MAP2K5: variants seen among roughly 807,000 people sequenced by gnomAD.
MAP2K5 encodes the protein mitogen-activated protein kinase kinase 5, also known as dual specificity mitogen-activated protein kinase kinase 5.
A neutral mutation model predicts 83.1 loss-of-function variants in MAP2K5; 49 were observed. That is an observed-to-expected ratio of 0.59 (90% CI 0.47 to 0.75). MAP2K5 has a LOEUF of 0.75. MAP2K5 is among the 30% of genes least tolerant of loss of function. The pLI, the probability that MAP2K5 is intolerant of heterozygous loss-of-function variation, is 0.00. For missense variants in MAP2K5, 457 were observed against 557.5 expected, an observed-to-expected ratio of 0.82 and a Z score of 1.82; for synonymous variants, 202 against 191.8, an observed-to-expected ratio of 1.05 and a Z score of -0.44.
chr15:67,769,107 T>TA lies in MAP2K5; in HGVS notation c.1135-483dup, dbSNP rs61558595. ...CCCTATAAAAGCCTTTCTATTAAAGTAAAAAAAAAAAATTGATCCAAATTA... is the reference window on the plus strand; with the variant it reads ...CCCTATAAAAGCCTTTCTATTAAAGTAAAAAAAAAAAAATTGATCCAAATTA... On this transcript the variant is annotated intron_variant, in intron 19 of 21. Transcript: ENST00000178640. This position sits in a 1 kb window ranked among gnomAD's most constrained non-coding sequence, Gnocchi z 5.2. Among the ~76,000 whole-genome samples, 142,438 of 149,116 alleles carry TA rather than the reference T, an allele frequency of 0.96. 68,168 individuals carry two copies. The highest frequency in any genetic ancestry group is 0.99 in the East Asian group (5,080 of 5,122).
chr15:67,564,642 T>A (rs1298414343), intron 3 of MAP2K5, among the ~76,000 whole-genome samples: 1 of 152,230 alleles, frequency 6.6e-6, no homozygotes. Flanking sequence ...AGTCTTTGTG[T>A]ACTGAGAATT....
At position 67,786,223 on chromosome 15, in the gene MAP2K5, A is replaced by C. The variant is rs994359213; in HGVS notation, c.1242+13471A>C. On this transcript the variant is annotated intron_variant, in intron 21 of 21. Transcript: ENST00000178640. This position sits in a 1 kb window ranked among gnomAD's most constrained non-coding sequence, Gnocchi z 4.7. Reference sequence around the variant, plus strand: ...AGTTTAATGTGACTTAGAATAAATTATATGTATGTCGGATGTTTGCAATTG... The same window carrying C: ...AGTTTAATGTGACTTAGAATAAATTCTATGTATGTCGGATGTTTGCAATTG... Among the ~76,000 whole-genome samples, 2 of 151,454 alleles carry C rather than the reference A, an allele frequency of 1.3e-5. No homozygotes were observed. Among genetic ancestry groups the C allele is most frequent in the African/African-American group, 4.9e-5 (2 of 41,130 alleles).
At chr15:67,588,133 G>A in intron 6 of MAP2K5, 1 of 984,816 alleles carries the variant, frequency 1.0e-6, no homozygotes. Flanking sequence ...TCCATAGCAG[G>A]TGAGCAGTGA....
rs1379729179 is a variant in MAP2K5 at position 67,562,147 on chromosome 15, C to G, written c.185-1136C>G. On this transcript the variant is annotated intron_variant, in intron 2 of 21. Coordinates refer to ENST00000178640, the MANE Select transcript of MAP2K5 (RefSeq NM_145160.3). This position sits in a 1 kb window ranked among gnomAD's most constrained non-coding sequence, Gnocchi z 4.1. ...GAGCCTGCCCCTTCCAAGTTGTCCC[C>G]TTGGGAGGCTCTGTACGTTGCTCCA... Among the ~76,000 whole-genome samples, 1 of 152,220 alleles carries G rather than the reference C, an allele frequency of 6.6e-6. No homozygotes were observed. The highest frequency in any genetic ancestry group is 1.5e-5 in the Non-Finnish European group (1 of 68,042).
chr15:67,663,214 A>G (rs772315390), intron 12 of MAP2K5, among the ~76,000 whole-genome samples: 4 of 152,236 alleles, frequency 2.6e-5, no homozygotes, highest in Non-Finnish European at 4.4e-5. Context: ...TAGTATCGAT[A>G]CAATACTGTT....
chr15:67,705,734 C>T (rs1204950346), intron 16 of MAP2K5, among the ~76,000 whole-genome samples: 4 of 150,588 alleles, frequency 2.7e-5, no homozygotes, highest in Non-Finnish European at 5.9e-5. Flanking sequence ...GAAACTCCAT[C>T]TCAAAAAAAA....
intron 9 of MAP2K5, among the ~76,000 whole-genome samples, chr15:67,633,016 G>A (rs1392443457): frequency 6.6e-6 from 1 of 152,192 alleles, no homozygotes; most frequent in African/African-American, 2.4e-5. Flanking sequence ...AGAACTGGAA[G>A]AGACCTTGGA....
chr15:67,543,379 A>G lies in MAP2K5; in HGVS notation c.44A>G (p.Gln15Arg). 1.2e-6 allele frequency: 2 copies of G among 1,614,194 alleles called. No individual in the cohort carries two copies. The highest frequency in any genetic ancestry group is 1.7e-6 in the Non-Finnish European group (2 of 1,180,038). The change falls in exon 1 of 22, where the codon CAG becomes CGG. Residue 15 changes from glutamine to arginine, a missense_variant. Physicochemically the swap from Gln to Arg is conservative, Grantham distance 43. Coordinates refer to ENST00000178640, the MANE Select transcript of MAP2K5 (RefSeq NM_145160.3). This position sits in a 1 kb window ranked among gnomAD's most constrained non-coding sequence, Gnocchi z 4.3. Reference sequence around the variant, plus strand: ...GGCCCCTTTCCTGCCATGGAGAACCAGGTGCTGGTAATTCGCATCAAGATC... The same window carrying G: ...GGCCCCTTTCCTGCCATGGAGAACCGGGTGCTGGTAATTCGCATCAAGATC... ...ALGPFPAMEN[Q>R]VLVIRIKIPN...
At chr15:67,754,675 T>C (rs1051194242) in intron 19 of MAP2K5, among the ~76,000 whole-genome samples, 1 of 152,168 alleles carries the variant, frequency 6.6e-6, no homozygotes, top group African/African-American at 2.4e-5. Context: ...TGGAAATACC[T>C]TGATATTCAC....
At position 67,575,920 on chromosome 15, in the gene MAP2K5, T is replaced by C. The variant is rs28453906; in HGVS notation, c.253-4834T>C. Among the ~76,000 whole-genome samples the C allele has an allele frequency of 2.2e-4, 28 of 126,204 alleles. 1 individual carries two copies. The highest frequency in any genetic ancestry group is 5.4e-4 in the African/African-American group (18 of 33,378). The allele number at this position is 126,204 out of a possible 152,430, so 82.8% of individuals were successfully genotyped here. The stretch of plus-strand genomic sequence containing the variant: ...TTTTTCTTTCTTTCTTTCTTTCTTT[T>C]TTTTTTTTTTTTTTTTTAAGATGGA... On this transcript the variant is annotated intron_variant, in intron 3 of 21. Transcript: ENST00000178640.
intron 7 of MAP2K5, among the ~76,000 whole-genome samples, chr15:67,598,289 A>G (rs1033565479): frequency 1.4e-4 from 22 of 152,180 alleles, no homozygotes; most frequent in Admixed American, 1.3e-3. Flanking sequence ...AACATTGTAG[A>G]AAGACATTAT....
chr15:67,560,590 C>T (rs2084714794), intron 2 of MAP2K5, among the ~76,000 whole-genome samples: 2 of 152,344 alleles, frequency 1.3e-5, no homozygotes, highest in South Asian at 4.1e-4. Flanking sequence ...AGAGTTCCAA[C>T]ATTTTATCAC....
chr15:67,639,934 C>T (rs556742707), intron 9 of MAP2K5, among the ~76,000 whole-genome samples: 2 of 152,160 alleles, frequency 1.3e-5, no homozygotes, highest in Non-Finnish European at 2.9e-5. Context: ...TCTGGATAAG[C>T]CCTGTCACAT....
chr15:67,705,562 C>G (rs1331500697), intron 16 of MAP2K5, among the ~76,000 whole-genome samples: 2 of 152,086 alleles, frequency 1.3e-5, no homozygotes, highest in African/African-American at 2.4e-5. Flanking sequence ...TGGAGAAACC[C>G]TGTCTCAACT....
chr15:67,556,679 G>A (rs2084633212), intron 2 of MAP2K5, among the ~76,000 whole-genome samples: 1 of 151,438 alleles, frequency 6.6e-6, no homozygotes, highest in African/African-American at 2.4e-5. Flanking sequence ...AGCCTCCCTA[G>A]TAGCTGGGAT....
rs748483964 is a variant in MAP2K5 at position 67,801,020 on chromosome 15, A to G, written c.1243-5626A>G. Among the ~76,000 whole-genome samples, 68 of 152,230 alleles carry G rather than the reference A, an allele frequency of 4.5e-4. No individual in the cohort carries two copies. The highest frequency in any genetic ancestry group is 1.8e-4 in the Non-Finnish European group (12 of 68,040). On this transcript the variant is annotated intron_variant, in intron 21 of 21. Transcript: ENST00000178640. This position sits in a 1 kb window ranked among gnomAD's most constrained non-coding sequence, Gnocchi z 4.8. ...TAAATCCGTTTTTAAAACTGTAGCT[A>G]AAAATTTTCTTAACAGAATTTGAAA... is the stretch of plus-strand genomic sequence containing the variant.
intron 2 of MAP2K5, among the ~76,000 whole-genome samples, chr15:67,551,680 G>A (rs936804080): frequency 1.3e-5 from 2 of 152,072 alleles, no homozygotes; most frequent in African/African-American, 4.8e-5. Flanking sequence ...TCACTCTTTT[G>A]CCCAAGCTGG....
At position 67,793,456 on chromosome 15, in the gene MAP2K5, G is replaced by T. The variant is rs142718985; in HGVS notation, c.1243-13190G>T. Reference sequence around the variant, plus strand: ...GTTTTGCTAGTAGATGTCATTTCTTGCTGCTGTTCTTGTTCCTCCCTTTAA... The same window carrying T: ...GTTTTGCTAGTAGATGTCATTTCTTTCTGCTGTTCTTGTTCCTCCCTTTAA... On this transcript the variant is annotated intron_variant, in intron 21 of 21. Coordinates refer to ENST00000178640, the MANE Select transcript of MAP2K5 (RefSeq NM_145160.3). This position sits in a 1 kb window ranked among gnomAD's most constrained non-coding sequence, Gnocchi z 4.6. Among the ~76,000 whole-genome samples the T allele has an allele frequency of 3.4e-4, 51 of 152,220 alleles. 1 individual carries two copies. In the East Asian group the frequency reaches 8.9e-3, roughly 26 times the overall value.
intron 12 of MAP2K5, 41 bp from the exon 13 acceptor site, chr15:67,664,556 C>T (rs368673691): frequency 7.8e-7 from 1 of 1,284,736 alleles, no homozygotes; most frequent in African/African-American, 1.5e-5. Context: ...TTTTAAAAAC[C>T]ATAATTGATA....
Sources: allele counts gnomAD v4.1 joint callset (sites outside exome capture counted in the v4.1 genomes callset), GRCh38; gene constraint gnomAD v4.1.1; non-coding constraint Gnocchi (gnomAD v3.1); transcripts MANE v1.5; gene names NCBI Gene and HGNC (gene_info 2026-07-23, HGNC 2026-07-21).